The following RSU1 variants were observed in gnomAD, a reference collection of about 807,000 sequenced individuals.
RSU1 encodes Ras suppressor protein 1.
A neutral mutation model predicts 31.1 loss-of-function variants in RSU1; 26 were observed. The observed-to-expected ratio is 0.84, with a 90% CI of 0.61 to 1.16. RSU1 has a LOEUF of 1.16. RSU1 is among the 50% of genes most tolerant of loss of function. RSU1 has a pLI of 0.00. For missense variants in RSU1, 320 were observed against 339.1 expected (o/e 0.94, Z 0.44); for synonymous variants, 164 against 136.3 (o/e 1.20, Z -1.41).
intron 7 of RSU1, among the ~76,000 whole-genome samples, chr10:16,701,596 C>T (rs956055620): frequency 6.6e-5 from 10 of 150,478 alleles, no homozygotes; most frequent in African/African-American, 2.2e-4. Context: ...CGGATCTAGT[C>T]GGGGAAGATA....
intron 8 of RSU1, among the ~76,000 whole-genome samples, chr10:16,677,752 A>G (rs997638787): frequency 1.9e-4 from 29 of 152,260 alleles, no homozygotes; most frequent in African/African-American, 6.8e-4. Context: ...CTCCAAGATT[A>G]TAAGTATTTC....
At chr10:16,800,219 A>G (rs1337317081) in intron 2 of RSU1, among the ~76,000 whole-genome samples, 1 of 152,186 alleles carries the variant, frequency 6.6e-6, no homozygotes, top group Non-Finnish European at 1.5e-5. Context: ...TAAAAAGAAG[A>G]AAGGCTGAGG....
In RSU1 at chr10:16,734,658, A is replaced by G. The variant is rs115384144; in HGVS notation, c.598+17881T>C. On this transcript the variant is annotated intron_variant, in intron 7 of 8. Transcript: ENST00000345264. The stretch of plus-strand genomic sequence containing the variant: ...ACTTGACTTATTGTTGCAATAATGA[A>G]AAAGAATGATGACATGAATAAGCAG... Among the ~76,000 whole-genome samples, 451 of 152,356 alleles carry G rather than the reference A, an allele frequency of 3.0e-3. 3 individuals are homozygous for G. The highest frequency in any genetic ancestry group is 0.01 in the African/African-American group (435 of 41,582).
chr10:16,803,566 T>C (rs1409244270), intron 2 of RSU1, among the ~76,000 whole-genome samples: 1 of 152,198 alleles, frequency 6.6e-6, no homozygotes, highest in Non-Finnish European at 1.5e-5. Flanking sequence ...GCACTGACAC[T>C]GACCAACTTC....
chr10:16,668,649 T>C (rs572362375), intron 8 of RSU1, among the ~76,000 whole-genome samples: 1 of 152,302 alleles, frequency 6.6e-6, no homozygotes, highest in East Asian at 1.9e-4. Context: ...CTCAGTGCAG[T>C]CACAAAGGTC....
At chr10:16,711,655 T>A (rs1199576657) in intron 7 of RSU1, among the ~76,000 whole-genome samples, 1 of 152,228 alleles carries the variant, frequency 6.6e-6, no homozygotes. Context: ...CACTGGTTGT[T>A]GAGGGCCATG....
chr10:16,698,712 G>A (rs1588722337), intron 7 of RSU1, among the ~76,000 whole-genome samples: 1 of 152,212 alleles, frequency 6.6e-6, no homozygotes, highest in African/African-American at 2.4e-5. Flanking sequence ...GCACACAGGA[G>A]ACGCTGGATG....
chr10:16,742,235 T>C (rs1836769117), intron 7 of RSU1, among the ~76,000 whole-genome samples: 1 of 152,198 alleles, frequency 6.6e-6, no homozygotes. Context: ...TTTTGTGTAA[T>C]GGGTAGTCAA....
intron 8 of RSU1, among the ~76,000 whole-genome samples, chr10:16,615,327 G>A (rs560710602): frequency 4.6e-5 from 7 of 152,136 alleles, no homozygotes; most frequent in African/African-American, 1.4e-4. Context: ...GCAACAAGAA[G>A]AGCAAACTAT....
chr10:16,744,377 TATC>T (rs1156310048), intron 7 of RSU1, among the ~76,000 whole-genome samples: 2 of 152,184 alleles, frequency 1.3e-5, no homozygotes, highest in African/African-American at 4.8e-5. Context: ...CAGTGGTTGT[TATC>T]ATGAATTCTG....
chr10:16,665,368 A>G (rs1411401880), intron 8 of RSU1, among the ~76,000 whole-genome samples: 1 of 152,208 alleles, frequency 6.6e-6, no homozygotes. Context: ...TAAACAACAT[A>G]AACACTAAGT....
At chr10:16,624,407 C>G (rs772250857) in intron 8 of RSU1, among the ~76,000 whole-genome samples, 14 of 152,088 alleles carry the variant, frequency 9.2e-5, no homozygotes, top group African/African-American at 3.1e-4. Context: ...AATATGATCC[C>G]TCCTCCTGAG....
chr10:16,748,476 TACAAAGTCCATAA>T (rs911164698), intron 7 of RSU1: 3 of 152,270 alleles, frequency 2.0e-5, no homozygotes, highest in African/African-American at 7.2e-5. Flanking sequence ...ATCTCAAGAC[TACAAAGTCCATAA>T]GCAAAGTCAC....
chr10:16,805,183 G>T (rs1241817019), intron 2 of RSU1, among the ~76,000 whole-genome samples: 1 of 151,858 alleles, frequency 6.6e-6, no homozygotes, highest in African/African-American at 2.4e-5. Context: ...ATCCAGCCTG[G>T]GTGACAGAGT....
At chr10:16,650,874 C>T (rs949950867) in intron 8 of RSU1, among the ~76,000 whole-genome samples, 1 of 152,128 alleles carries the variant, frequency 6.6e-6, no homozygotes, top group Admixed American at 6.5e-5. Flanking sequence ...AGCCACTGCA[C>T]CTGGCTGAAA....
chr10:16,701,996 T>C (rs552156085), intron 7 of RSU1, among the ~76,000 whole-genome samples: 1 of 152,354 alleles, frequency 6.6e-6, no homozygotes, highest in Admixed American at 6.5e-5. Flanking sequence ...TTCTTCTAAA[T>C]GTGGGAGGCA....
intron 7 of RSU1, among the ~76,000 whole-genome samples, chr10:16,695,652 C>T (rs4748312): frequency 0.14 from 20,865 of 152,082 alleles, 1,623 homozygotes; most frequent in East Asian, 0.36. Context: ...AAGCACATCT[C>T]GGAATCAGCC....
chr10:16,686,348 T>C (rs1835440126), intron 8 of RSU1, among the ~76,000 whole-genome samples: 3 of 152,184 alleles, frequency 2.0e-5, no homozygotes, highest in Admixed American at 1.3e-4. Context: ...GCATCAAGCA[T>C]TGAACTTTTA....
intron 7 of RSU1, among the ~76,000 whole-genome samples, chr10:16,699,391 C>T (rs1835741523): frequency 6.6e-6 from 1 of 152,156 alleles, no homozygotes; most frequent in African/African-American, 2.4e-5. Context: ...TAAAGCTGGC[C>T]ATTATATTGT....
Sources: allele counts gnomAD v4.1 joint callset (sites outside exome capture counted in the v4.1 genomes callset), GRCh38; gene constraint gnomAD v4.1.1; transcripts MANE v1.5; gene names NCBI Gene and HGNC (gene_info 2026-07-23, HGNC 2026-07-21).